The following RARB variants were observed in gnomAD, a reference collection of about 807,000 sequenced individuals.
RARB encodes the protein HBV-activated protein.
A neutral mutation model predicts 51.9 loss-of-function variants in RARB; 17 were observed. That is an observed-to-expected ratio of 0.33 (90% CI 0.22 to 0.49). The LOEUF is 0.49. RARB is among the 20% of genes least tolerant of loss of function. The pLI, the probability that RARB is intolerant of heterozygous loss-of-function variation, is 0.99. For synonymous variants in RARB, 215 were observed against 195.4 expected (o/e 1.10, Z -0.84); for missense variants, 369 against 550.8 (o/e 0.67, Z 3.30).
chr3:25,192,802 G>A (rs1326786852), intron 5 of RARB, among the ~76,000 whole-genome samples: 1 of 151,954 alleles, frequency 6.6e-6, no homozygotes, highest in Non-Finnish European at 1.5e-5. Flanking sequence ...AGCATCTTTA[G>A]ACATGGTCTT....
chr3:25,578,882 A>G (rs1701057212), intron 4 of RARB, among the ~76,000 whole-genome samples: 2 of 152,262 alleles, frequency 1.3e-5, no homozygotes, highest in African/African-American at 2.4e-5. Flanking sequence ...TATCAGTTTG[A>G]GAAACACAGT....
intron 2 of RARB, among the ~76,000 whole-genome samples, chr3:24,954,479 G>C (rs543912615): frequency 6.6e-6 from 1 of 152,156 alleles, no homozygotes; most frequent in Non-Finnish European, 1.5e-5. Flanking sequence ...TTTAGAAAAA[G>C]TATAGAATAA....
At chr3:24,830,904 A>G (rs1171767833) in intron 1 of RARB, among the ~76,000 whole-genome samples, 1 of 152,152 alleles carries the variant, frequency 6.6e-6, no homozygotes, top group Non-Finnish European at 1.5e-5. Flanking sequence ...GAAGTAGGAG[A>G]AGAAGAAGAA....
chr3:25,038,695 T>C (rs1224654861), intron 2 of RARB, among the ~76,000 whole-genome samples: 2 of 152,206 alleles, frequency 1.3e-5, no homozygotes, highest in African/African-American at 4.8e-5. Context: ...GGCATTTAAG[T>C]GTGGAAACTT....
chr3:25,554,900 C>T (rs1699995108), intron 3 of RARB, among the ~76,000 whole-genome samples: 1 of 152,090 alleles, frequency 6.6e-6, no homozygotes, highest in African/African-American at 2.4e-5. Flanking sequence ...GTCTCTCTTC[C>T]ACTTCTTATA....
intron 1 of RARB, among the ~76,000 whole-genome samples, chr3:25,459,483 T>A (rs572590025): frequency 6.6e-6 from 1 of 152,318 alleles, no homozygotes; most frequent in Admixed American, 6.5e-5. Context: ...ATTGGAGGGC[T>A]TTAGATAGGC....
chr3:24,861,647 C>T (rs13089297), intron 2 of RARB, among the ~76,000 whole-genome samples: 46,334 of 149,546 alleles, frequency 0.31, 9,045 homozygotes, highest in Admixed American at 0.42. Context: ...TAATGAGAAG[C>T]GTGGAAGATT....
chr3:25,088,631 A>G (rs1373250814), intron 3 of RARB, among the ~76,000 whole-genome samples: 1 of 152,200 alleles, frequency 6.6e-6, no homozygotes, highest in African/African-American at 2.4e-5. Flanking sequence ...AACAAAAGTC[A>G]GACCACCTCA....
chr3:25,110,961 G>A (rs970174199), intron 3 of RARB, among the ~76,000 whole-genome samples: 10 of 152,128 alleles, frequency 6.6e-5, no homozygotes, highest in African/African-American at 1.4e-4. Context: ...TGTACAGATC[G>A]TGTACATTTT....
intron 4 of RARB, 55 bp from the exon 5 acceptor site, chr3:25,580,491 C>T (rs1204027425): frequency 1.4e-6 from 2 of 1,420,546 alleles, no homozygotes; most frequent in East Asian, 2.4e-5. Flanking sequence ...GAATTTCTCC[C>T]CTCCTATAGA....
chr3:25,190,431 GAAGTGTA>G (rs1017157345), intron 5 of RARB, among the ~76,000 whole-genome samples: 2 of 152,108 alleles, frequency 1.3e-5, no homozygotes, highest in African/African-American at 4.8e-5. Context: ...ATTTTGGGTA[GAAGTGTA>G]AAGTATTTCT....
chr3:24,879,291 T>C lies in RARB; in HGVS notation c.-380+20539T>C, dbSNP rs539102529. Among the ~76,000 whole-genome samples the C allele has an allele frequency of 2.8e-3, 420 of 151,830 alleles. 2 individuals carry two copies. The highest frequency in any genetic ancestry group is 4.5e-3 in the Non-Finnish European group (307 of 67,922). On this transcript the variant is annotated intron_variant, in intron 2 of 11. Coordinates refer to the RARB transcript ENST00000383772. ...AAAAATACAAAAAATTAGCCGGGCG[T>C]GGTGGCGGGCGCCTGTAGTCCCAGC...
intron 1 of RARB, among the ~76,000 whole-genome samples, chr3:24,853,988 A>G (rs1224390304): frequency 6.6e-6 from 1 of 152,228 alleles, no homozygotes; most frequent in African/African-American, 2.4e-5. Context: ...CAAGGATCAG[A>G]TTGAAGAACT....
intron 4 of RARB, among the ~76,000 whole-genome samples, chr3:25,171,141 G>T (rs968303003): frequency 6.6e-6 from 1 of 151,932 alleles, no homozygotes; most frequent in African/African-American, 2.4e-5. Flanking sequence ...GATACCCAGA[G>T]AATCTCTTGG....
At chr3:25,272,528 A>C (rs971758260) in intron 5 of RARB, among the ~76,000 whole-genome samples, 1 of 152,230 alleles carries the variant, frequency 6.6e-6, no homozygotes, top group Admixed American at 6.5e-5. Flanking sequence ...GTATCCCCTT[A>C]GGCAGTAATT....
Position 25,364,849 on chromosome 3 carries a change from C to A in RARB, c.179-96344C>A, listed in dbSNP as rs138553041. Among the ~76,000 whole-genome samples the A allele has an allele frequency of 9.3e-3, 1,412 of 152,298 alleles. 12 individuals are homozygous for A. The highest frequency in any genetic ancestry group is 0.031 in the Middle Eastern group (9 of 294). Reference sequence around the variant, plus strand: ...GGGTAAAATTTCTGAAAGATTTGTACAAGCTGCCTCTTATTATGAAAGATA... The same window carrying A: ...GGGTAAAATTTCTGAAAGATTTGTAAAAGCTGCCTCTTATTATGAAAGATA... On this transcript the variant is annotated intron_variant, in intron 5 of 11. Transcript: ENST00000383772.
chr3:25,174,077 GA>G (rs1575195713), intron 4 of RARB: 1 of 179,200 alleles, frequency 5.6e-6, no homozygotes, highest in Non-Finnish European at 1.2e-5. Context: ...AAAAGGGAGA[GA>G]TTTTTTGTGA....
At chr3:25,500,811 A>G (rs1381055764) in intron 2 of RARB, among the ~76,000 whole-genome samples, 3 of 151,890 alleles carry the variant, frequency 2.0e-5, no homozygotes, top group African/African-American at 7.3e-5. Flanking sequence ...AAATCCTCAT[A>G]TATTGGTTTT....
At chr3:25,190,789 CATCAGTAATAGTCAT>C (rs1251668750) in intron 5 of RARB, among the ~76,000 whole-genome samples, 1 of 152,088 alleles carries the variant, frequency 6.6e-6, no homozygotes, top group Non-Finnish European at 1.5e-5. Flanking sequence ...AATGAGTTCA[CATCAGTAATAGTCAT>C]AAATGATTTA....
Sources: gnomAD v4.1 joint callset for allele counts (sites outside exome capture counted in the v4.1 genomes callset) on GRCh38, gnomAD v4.1.1 for gene constraint, MANE v1.5 for transcripts, NCBI Gene and HGNC (gene_info 2026-07-23, HGNC 2026-07-21) for gene names.